The following MRPS9 variants were observed in gnomAD, a reference collection of about 807,000 sequenced individuals.
The protein encoded by MRPS9 is small ribosomal subunit protein uS9m.
Under a neutral mutation model 59.9 loss-of-function variants are expected in MRPS9, and 45 were observed. The ratio of observed to expected loss-of-function variants is 0.75; its 90% confidence interval spans 0.59 to 0.96. The LOEUF is 0.96. MRPS9 is among the 40% of genes least tolerant of loss of function. The pLI is 0.00. For missense variants in MRPS9, 473 were observed against 481.1 expected (o/e 0.98, Z 0.16); for synonymous variants, 171 against 166.8 (o/e 1.03, Z -0.19).
chr2:105,039,469 G>A (rs1357199089), intron 1 of MRPS9, among the ~76,000 whole-genome samples: 1 of 151,816 alleles, frequency 6.6e-6, no homozygotes, highest in Non-Finnish European at 1.5e-5. Flanking sequence ...ATGTATTGGG[G>A]GATGGCTAAC....
intron 9 of MRPS9, among the ~76,000 whole-genome samples, chr2:105,096,054 C>G (rs1020173336): frequency 3.9e-5 from 6 of 152,110 alleles, no homozygotes; most frequent in Non-Finnish European, 7.4e-5. Flanking sequence ...TTCTTGGAAG[C>G]ATTTGTTCAA....
chr2:105,064,609 A>G (rs2104450488), intron 2 of MRPS9, among the ~76,000 whole-genome samples: 1 of 152,262 alleles, frequency 6.6e-6, no homozygotes, highest in East Asian at 1.9e-4. Context: ...AGGCAGTGAC[A>G]AGGATGGGGA....
intron 4 of MRPS9, among the ~76,000 whole-genome samples, chr2:105,078,498 AG>A (rs975728553): frequency 2.0e-5 from 3 of 152,180 alleles, no homozygotes; most frequent in African/African-American, 7.2e-5. Context: ...CAATTGCATA[AG>A]AAAAGAAAAA....
intron 2 of MRPS9, among the ~76,000 whole-genome samples, chr2:105,057,920 C>T (rs1679825293): frequency 6.6e-6 from 1 of 151,554 alleles, no homozygotes; most frequent in South Asian, 2.1e-4. Context: ...TTCTACATTA[C>T]TATAGAATTT....
chr2:105,044,136 A>G (rs1679551214), intron 1 of MRPS9, among the ~76,000 whole-genome samples: 1 of 149,714 alleles, frequency 6.7e-6, no homozygotes, highest in Non-Finnish European at 1.5e-5. Context: ...GGGTTTCACC[A>G]TGTTGGCCAG....
chr2:105,079,681 A>G (rs1280117749), intron 4 of MRPS9, among the ~76,000 whole-genome samples: 2 of 152,270 alleles, frequency 1.3e-5, no homozygotes, highest in African/African-American at 2.4e-5. Flanking sequence ...TTCTAACAAG[A>G]TGATTTGGGC....
chr2:105,084,103 A>G (rs991157472), intron 5 of MRPS9, among the ~76,000 whole-genome samples: 13 of 152,200 alleles, frequency 8.5e-5, no homozygotes, highest in African/African-American at 3.1e-4. Context: ...AAAGTATGCA[A>G]CTCTAAACAC....
intron 9 of MRPS9, among the ~76,000 whole-genome samples, chr2:105,095,714 C>G (rs995972327): frequency 2.0e-5 from 3 of 151,896 alleles, no homozygotes; most frequent in African/African-American, 7.3e-5. Context: ...TCAGACTGGT[C>G]TCAAACTCCC....
intron 5 of MRPS9, among the ~76,000 whole-genome samples, chr2:105,081,000 T>C (rs1245496649): frequency 6.6e-6 from 1 of 152,210 alleles, no homozygotes; most frequent in African/African-American, 2.4e-5. Flanking sequence ...ATGATAAATG[T>C]AGAGTGTGTC....
chr2:105,081,446 C>T (rs1573441795), intron 5 of MRPS9, among the ~76,000 whole-genome samples: 1 of 152,226 alleles, frequency 6.6e-6, no homozygotes, highest in Non-Finnish European at 1.5e-5. Flanking sequence ...TGCCTTTCAT[C>T]CCAAGTTTCA....
intron 2 of MRPS9, among the ~76,000 whole-genome samples, chr2:105,049,931 A>G (rs927257215): frequency 6.6e-6 from 1 of 151,944 alleles, no homozygotes; most frequent in African/African-American, 2.4e-5. Context: ...GTAACATCTA[A>G]TATCCCATGA....
intron 2 of MRPS9, among the ~76,000 whole-genome samples, chr2:105,056,480 C>T (rs186501779): frequency 2.6e-4 from 39 of 152,228 alleles, no homozygotes; most frequent in Admixed American, 7.2e-4. Context: ...TGTCTTATGT[C>T]TACGTGTCTG....
At chr2:105,040,149 A>G (rs1679476897) in intron 1 of MRPS9, among the ~76,000 whole-genome samples, 1 of 152,188 alleles carries the variant, frequency 6.6e-6, no homozygotes, top group African/African-American at 2.4e-5. Context: ...ATACCTAAAG[A>G]CATTGATAAA....
intron 4 of MRPS9, among the ~76,000 whole-genome samples, chr2:105,078,562 A>C (rs186342745): frequency 1.3e-5 from 2 of 152,314 alleles, no homozygotes; most frequent in Non-Finnish European, 2.9e-5. Context: ...ATGATTTTGG[A>C]AAAGTGCTGA....
rs1680751978 is a variant in MRPS9 at position 105,099,792 on chromosome 2, C to G, written c.*31C>G. On this transcript the variant is annotated 3_prime_UTR_variant, in exon 11 of 11. Transcript: ENST00000258455. ...TGCTCCCAGGAAAGGAGAGGAAGAG[C>G]TATATATATGTGCCGACATGTGGCA... 3 of 1,602,854 alleles carry G rather than the reference C, an allele frequency of 1.9e-6. No individual in the cohort carries two copies. The highest frequency in any genetic ancestry group is 2.6e-6 in the Non-Finnish European group (3 of 1,170,408).
intron 7 of MRPS9, 123 bp from the exon 8 acceptor site, chr2:105,092,278 G>T: frequency 1.3e-6 from 1 of 783,578 alleles, no homozygotes; most frequent in Non-Finnish European, 1.9e-6. Flanking sequence ...AGATGCAGAA[G>T]TGTCATCCTG....
intron 5 of MRPS9, among the ~76,000 whole-genome samples, chr2:105,085,286 T>A (rs1463664315): frequency 2.6e-5 from 4 of 152,162 alleles, no homozygotes; most frequent in African/African-American, 7.2e-5. Flanking sequence ...ATTTTGTATA[T>A]GCCAGTGGCC....
At chr2:105,052,334 G>GT (rs1679727280) in intron 2 of MRPS9, among the ~76,000 whole-genome samples, 1 of 152,044 alleles carries the variant, frequency 6.6e-6, no homozygotes. Flanking sequence ...TGTGGTTAGT[G>GT]TTTTTGTCAC....
chr2:105,070,535 G>A (rs879020745), intron 2 of MRPS9, among the ~76,000 whole-genome samples: 4 of 152,126 alleles, frequency 2.6e-5, no homozygotes, highest in Non-Finnish European at 2.9e-5. Context: ...ACTCTTCATC[G>A]GCACTGTTCA....
Sources: gnomAD v4.1 joint callset for allele counts (sites outside exome capture counted in the v4.1 genomes callset) on GRCh38, gnomAD v4.1.1 for gene constraint, MANE v1.5 for transcripts, NCBI Gene and HGNC (gene_info 2026-07-23, HGNC 2026-07-21) for gene names.